MIPOL1: variants seen among roughly 807,000 people sequenced by gnomAD.
MIPOL1 encodes mirror-image polydactyly gene 1 protein.
MIPOL1 carries 57 observed loss-of-function variants against 60.9 expected under a neutral mutation model. That is an observed-to-expected ratio of 0.94 (90% confidence interval 0.76 to 1.17). MIPOL1 has a LOEUF of 1.17. Ranked by LOEUF, MIPOL1 falls within the 50% of genes most tolerant of loss-of-function variation. The pLI, the probability that MIPOL1 is intolerant of heterozygous loss-of-function variation, is 0.00. For missense variants in MIPOL1, 551 were observed against 511.6 expected, an observed-to-expected ratio of 1.08 and a Z score of -0.74; for synonymous variants, 179 against 168.8, an observed-to-expected ratio of 1.06 and a Z score of -0.47.
chr14:37,237,786 T>C lies in MIPOL1; in HGVS notation c.-198-9317T>C, dbSNP rs80155991. 3.8e-3 allele frequency among the ~76,000 whole-genome samples: 585 copies of C among 152,228 alleles called. 2 individuals carry two copies. Among genetic ancestry groups the C allele is most frequent in the Middle Eastern group, 0.017 (5 of 294 alleles). On this transcript the variant is annotated intron_variant, in intron 1 of 12. Transcript: ENST00000684589. ...GACACTGTGCAGGTGCTCAGAGATA[T>C]GTGATTGCTGTTTAAGGAAGGAGAG... is the stretch of plus-strand genomic sequence containing the variant.
Position 37,285,413 on chromosome 14 carries a change from G to A in MIPOL1, c.589G>A (p.Ala197Thr). The A allele has an allele frequency of 1.9e-6, 3 of 1,613,866 alleles. No homozygotes were observed. Among genetic ancestry groups the A allele is most frequent in the Non-Finnish European group, 2.5e-6 (3 of 1,179,944 alleles). Reference protein sequence around the residue: ...LAIEERDEAIARAKHMEMSLK... With the variant: ...LAIEERDEAITRAKHMEMSLK... ...CATTGAGGAGAGAGATGAAGCAATT[G>A]CACGAGCCAAGCATATGGAAATGTC... The change falls in exon 7 of 13, where the codon GCA becomes ACA. Residue 197 changes from alanine to threonine, a missense_variant. By Grantham distance (58) the Ala-to-Thr change is moderately conservative. Coordinates refer to ENST00000684589, the MANE Select transcript of MIPOL1 (RefSeq NM_001388067.1).
chr14:37,488,033 T>A (rs1191829062), intron 11 of MIPOL1, among the ~76,000 whole-genome samples: 4 of 152,246 alleles, frequency 2.6e-5, no homozygotes, highest in Non-Finnish European at 4.4e-5. Context: ...GTACATTGTA[T>A]CTTTGTTCTC....
intron 10 of MIPOL1, among the ~76,000 whole-genome samples, chr14:37,372,793 C>G (rs907098766): frequency 1.3e-5 from 2 of 150,560 alleles, no homozygotes; most frequent in Admixed American, 1.3e-4. Context: ...AGCACTGTTT[C>G]TCCTACTTTT....
chr14:37,403,068 G>A (rs1479087173), intron 10 of MIPOL1, among the ~76,000 whole-genome samples: 1 of 152,158 alleles, frequency 6.6e-6, no homozygotes, highest in South Asian at 2.1e-4. Flanking sequence ...GGAAAGGAGG[G>A]CTTCCCAATA....
At chr14:37,399,262 G>C (rs868233838) in intron 10 of MIPOL1, among the ~76,000 whole-genome samples, 1 of 152,100 alleles carries the variant, frequency 6.6e-6, no homozygotes, top group Non-Finnish European at 1.5e-5. Context: ...GCTAGTATTG[G>C]TGCCATTTTG....
chr14:37,391,816 A>G (rs1248836896), intron 10 of MIPOL1, among the ~76,000 whole-genome samples: 2 of 152,202 alleles, frequency 1.3e-5, no homozygotes, highest in Admixed American at 6.6e-5. Context: ...TCTAAGGTAT[A>G]GCATTACTGG....
Position 37,285,308 on chromosome 14 carries a change from A to G in MIPOL1, c.494-10A>G, listed in dbSNP as rs768757029. The G allele has an allele frequency of 1.7e-5, 27 of 1,613,640 alleles. No individual in the cohort carries two copies. Among genetic ancestry groups the G allele is most frequent in the Middle Eastern group, 1.6e-4 (1 of 6,084 alleles). On this transcript the variant is annotated splice_polypyrimidine_tract_variant and intron_variant, in intron 6 of 12. Coordinates refer to ENST00000684589, the MANE Select transcript of MIPOL1 (RefSeq NM_001388067.1). ...GTATGATTGATTGTGCGCTTTATAT[A>G]TTTTGGTAGCTCTGGTTGAAGAAGT...
chr14:37,262,816 A>G (rs768708720), intron 3 of MIPOL1, among the ~76,000 whole-genome samples: 1 of 152,120 alleles, frequency 6.6e-6, no homozygotes, highest in Non-Finnish European at 1.5e-5. Context: ...AGACAATTCT[A>G]GCTCAACCAC....
chr14:37,343,236 A>C (rs2090707867), intron 9 of MIPOL1, among the ~76,000 whole-genome samples: 1 of 151,978 alleles, frequency 6.6e-6, no homozygotes, highest in East Asian at 1.9e-4. Context: ...TATTCATCTA[A>C]ATTAAATTGT....
At chr14:37,474,608 T>C (rs888509295) in intron 11 of MIPOL1, among the ~76,000 whole-genome samples, 1 of 152,178 alleles carries the variant, frequency 6.6e-6, no homozygotes, top group East Asian at 1.9e-4. Flanking sequence ...AAACCTCTTG[T>C]TCTTTATAAA....
At chr14:37,398,668 A>G (rs1042659660) in intron 10 of MIPOL1, among the ~76,000 whole-genome samples, 1 of 152,222 alleles carries the variant, frequency 6.6e-6, no homozygotes, top group Non-Finnish European at 1.5e-5. Context: ...CCAAAAACTT[A>G]TAATATGAAA....
chr14:37,334,434 A>C (rs900521714), intron 9 of MIPOL1, among the ~76,000 whole-genome samples: 1 of 152,036 alleles, frequency 6.6e-6, no homozygotes, highest in African/African-American at 2.4e-5. Context: ...CCATACGCAA[A>C]TCAATGGAAC....
At chr14:37,293,761 G>C (rs959711256) in intron 7 of MIPOL1, among the ~76,000 whole-genome samples, 1 of 152,156 alleles carries the variant, frequency 6.6e-6, no homozygotes, top group Non-Finnish European at 1.5e-5. Flanking sequence ...AGGCTTTGGT[G>C]GGGGGTGCCC....
intron 10 of MIPOL1, among the ~76,000 whole-genome samples, chr14:37,406,886 G>A (rs2093596802): frequency 6.6e-6 from 1 of 152,110 alleles, no homozygotes; most frequent in Non-Finnish European, 1.5e-5. Context: ...ATATAGGTAA[G>A]AGTGGCTTTC....
At chr14:37,456,787 C>T (rs1387746484) in intron 11 of MIPOL1, among the ~76,000 whole-genome samples, 1 of 152,012 alleles carries the variant, frequency 6.6e-6, no homozygotes, top group Non-Finnish European at 1.5e-5. Context: ...CTAGTGTTTA[C>T]ATTTCAGACC....
intron 9 of MIPOL1, among the ~76,000 whole-genome samples, chr14:37,358,257 C>A (rs80226529): frequency 2.6e-4 from 40 of 152,122 alleles, no homozygotes; most frequent in African/African-American, 9.6e-4. Context: ...CATTTGAGTT[C>A]ATTCCAATCT....
chr14:37,236,885 TC>T (rs1234282152), intron 1 of MIPOL1, among the ~76,000 whole-genome samples: 1 of 152,154 alleles, frequency 6.6e-6, no homozygotes, highest in African/African-American at 2.4e-5. Flanking sequence ...GCTGGGACAC[TC>T]CTTTAGCCCT....
At position 37,283,921 on chromosome 14, in the gene MIPOL1, C is replaced by G. The variant is rs956652475; in HGVS notation, c.494-1397C>G. ...TGCAAGATACACCATGTTGGTTTCTCCAAGCTGTTATTATTGCCCTTACTG... is the reference window on the plus strand; with the variant it reads ...TGCAAGATACACCATGTTGGTTTCTGCAAGCTGTTATTATTGCCCTTACTG... On this transcript the variant is annotated intron_variant, in intron 6 of 12. Transcript: ENST00000684589. 3.9e-5 allele frequency among the ~76,000 whole-genome samples: 6 copies of G among 152,096 alleles called. No homozygotes were observed. In the South Asian group the frequency reaches 6.2e-4, roughly 16 times the overall value.
intron 6 of MIPOL1, among the ~76,000 whole-genome samples, chr14:37,274,300 T>G (rs1287632812): frequency 6.6e-6 from 1 of 151,512 alleles, no homozygotes; most frequent in Non-Finnish European, 1.5e-5. Flanking sequence ...TCTGTTATTC[T>G]AATGTGATTT....
Sources: allele counts gnomAD v4.1 joint callset (sites outside exome capture counted in the v4.1 genomes callset), GRCh38; gene constraint gnomAD v4.1.1; transcripts MANE v1.5; gene names NCBI Gene and HGNC (gene_info 2026-07-23, HGNC 2026-07-21).